The following SYNRG variants were observed in gnomAD, a reference collection of about 807,000 sequenced individuals.
SYNRG encodes synergin gamma.
Under a neutral mutation model 130.9 loss-of-function variants are expected in SYNRG, and 37 were observed. That is an observed-to-expected ratio of 0.28 (90% CI 0.22 to 0.37). The LOEUF (loss-of-function observed/expected upper bound fraction) is 0.37, where lower values mean the gene tolerates loss of function less well. SYNRG is among the 10% of genes least tolerant of loss of function. The probability of loss-of-function intolerance (pLI) is 1.00; values close to 1 mark genes in which losing one functional copy is unlikely to be tolerated. For missense variants in SYNRG, 1,338 were observed against 1,588.9 expected, an observed-to-expected ratio of 0.84 and a Z score of 2.68; for synonymous variants, 539 against 568.1, an observed-to-expected ratio of 0.95 and a Z score of 0.73.
chr17:37,609,107 G>A (rs920661197), intron 1 of SYNRG, among the ~76,000 whole-genome samples, 172 bp downstream of exon 1: 1 of 151,708 alleles, frequency 6.6e-6, no homozygotes, highest in African/African-American at 2.4e-5. Context: ...CCAGCGTCCA[G>A]CACCTGGGCT....
At chr17:37,571,012 G>A (rs879085933) in intron 9 of SYNRG, 127 bp from the exon 10 acceptor site, 21 of 1,268,282 alleles carry the variant, frequency 1.7e-5, no homozygotes, top group Non-Finnish European at 2.3e-5. Flanking sequence ...CAAAACTCAT[G>A]AATTTGATTT....
At chr17:37,541,862 G>A (rs1300848080) in intron 15 of SYNRG, 110 bp downstream of exon 15, 1 of 1,056,986 alleles carries the variant, frequency 9.5e-7, no homozygotes, top group East Asian at 2.4e-5. Flanking sequence ...TCAAAGATTA[G>A]AACAATCTAT....
chr17:37,532,612 GC>G (rs1173225224), intron 19 of SYNRG, among the ~76,000 whole-genome samples: 1 of 143,100 alleles, frequency 7.0e-6, no homozygotes, highest in African/African-American at 2.6e-5. Flanking sequence ...GGCGGAGGTT[GC>G]AGTGAGCCGA....
intron 1 of SYNRG, among the ~76,000 whole-genome samples, chr17:37,607,986 C>CAAAAGA (rs1476233198): frequency 8.8e-6 from 1 of 113,060 alleles, no homozygotes; most frequent in East Asian, 2.5e-4. Flanking sequence ...AAAAACAAGA[C>CAAAAGA]AAAAGAAAAA....
chr17:37,571,132 G>C (rs1243193846), intron 9 of SYNRG, among the ~76,000 whole-genome samples: 1 of 152,098 alleles, frequency 6.6e-6, no homozygotes, highest in Non-Finnish European at 1.5e-5. Flanking sequence ...AATTCTATAT[G>C]ATCAAATCAT....
rs866596909 is a variant in SYNRG, at chr17:37,541,170, A to G, written c.3203-627T>C. On this transcript the variant is annotated intron_variant, in intron 15 of 21. Transcript: ENST00000612223. Reference sequence around the variant, plus strand: ...ACCTTTCTAAATATCAGTATGTAAGAGTTGTGTGGCTTTTCCAGTCATTTG... The same window carrying G: ...ACCTTTCTAAATATCAGTATGTAAGGGTTGTGTGGCTTTTCCAGTCATTTG... 4 of 985,344 alleles carry G rather than the reference A, an allele frequency of 4.1e-6. No homozygotes were observed. In the African/African-American group the frequency reaches 5.2e-5, roughly 13 times the overall value. The allele number at this position is 985,344 out of a possible 1,614,324, so 61.0% of individuals were successfully genotyped here.
intron 19 of SYNRG, among the ~76,000 whole-genome samples, chr17:37,522,414 A>G (rs570019812): frequency 2.6e-5 from 4 of 151,940 alleles, no homozygotes; most frequent in Admixed American, 6.5e-5. Flanking sequence ...GTCCTCCCAA[A>G]GTGGTGGGTT....
Position 37,609,383 on chromosome 17 carries a change from C to A in SYNRG, c.-28G>T. ...TGCTCCCGACCTGCCGCTGCCTTCG[C>A]CGCCGCCACCTTATCAGCAGCTGTC... On this transcript the variant is annotated 5_prime_UTR_variant, in exon 1 of 22. Coordinates refer to ENST00000612223, the MANE Select transcript of SYNRG (RefSeq NM_007247.6). The A allele has an allele frequency of 7.1e-7, 1 of 1,403,120 alleles. No homozygotes were observed. The allele number at this position is 1,403,120 out of a possible 1,614,324, so 86.9% of individuals were successfully genotyped here. A position where few individuals can be genotyped will look rare whatever the true frequency, so the allele number is the denominator to read the frequency against.
At chr17:37,598,911 G>T (rs2146970001) in intron 2 of SYNRG, among the ~76,000 whole-genome samples, 1 of 152,304 alleles carries the variant, frequency 6.6e-6, no homozygotes, top group South Asian at 2.1e-4. Context: ...CAAACCATTT[G>T]ATCTCAATCT....
intron 11 of SYNRG, among the ~76,000 whole-genome samples, chr17:37,562,815 T>G (rs927495422): frequency 6.6e-6 from 1 of 152,104 alleles, no homozygotes; most frequent in African/African-American, 2.4e-5. Context: ...GAATGTTACA[T>G]GGGAATAAAG....
chr17:37,604,150 G>T (rs1049404708), intron 1 of SYNRG, among the ~76,000 whole-genome samples: 1 of 151,148 alleles, frequency 6.6e-6, no homozygotes, highest in African/African-American at 2.4e-5. Context: ...TGAGGCAGAA[G>T]AACCACTTGA....
At chr17:37,533,131 G>A (rs1003460201) in intron 19 of SYNRG, among the ~76,000 whole-genome samples, 4 of 152,260 alleles carry the variant, frequency 2.6e-5, no homozygotes, top group African/African-American at 9.6e-5. Context: ...CAGGCACAGT[G>A]GTTCATGCCT....
intron 11 of SYNRG, among the ~76,000 whole-genome samples, chr17:37,563,841 C>T (rs960194728): frequency 1.3e-5 from 2 of 151,452 alleles, no homozygotes; most frequent in African/African-American, 4.8e-5. Context: ...CAGCCTTCCC[C>T]GCCAGCTTTT....
intron 7 of SYNRG, among the ~76,000 whole-genome samples, chr17:37,576,734 A>T (rs2060868250): frequency 6.6e-6 from 1 of 152,250 alleles, no homozygotes; most frequent in Non-Finnish European, 1.5e-5. Context: ...GATAGATGAT[A>T]GTTTAAAATT....
intron 16 of SYNRG, among the ~76,000 whole-genome samples, 195 bp downstream of exon 16, chr17:37,540,185 G>A (rs1426557846): frequency 1.3e-5 from 2 of 152,152 alleles, no homozygotes; most frequent in African/African-American, 4.8e-5. Flanking sequence ...AGTTTCAGTG[G>A]GTGCCACACC....
Position 37,518,816 on chromosome 17 carries a change from T to C in SYNRG, c.*124A>G, listed in dbSNP as rs9892555. The C allele has an allele frequency of 1.8e-3, 2,603 of 1,417,426 alleles. 43 individuals carry two copies. In the African/African-American group the frequency reaches 0.034, roughly 18 times the overall value. The allele number at this position is 1,417,426 out of a possible 1,614,324, so 87.8% of individuals were successfully genotyped here. Reference sequence around the variant, plus strand: ...TGGGGATGACGGGGGCCCCGTCCCTTGCGGTGTTCTTCATATCGATTCAGG... The same window carrying C: ...TGGGGATGACGGGGGCCCCGTCCCTCGCGGTGTTCTTCATATCGATTCAGG... On this transcript the variant is annotated 3_prime_UTR_variant, in exon 22 of 22. Coordinates refer to ENST00000612223, the MANE Select transcript of SYNRG (RefSeq NM_007247.6).
At chr17:37,591,081 T>C (rs938256481) in intron 3 of SYNRG, among the ~76,000 whole-genome samples, 2 of 152,076 alleles carry the variant, frequency 1.3e-5, no homozygotes, top group Non-Finnish European at 2.9e-5. Flanking sequence ...AAAAATCCCA[T>C]GGAATCCACA....
intron 3 of SYNRG, among the ~76,000 whole-genome samples, chr17:37,591,105 A>G (rs2062147220): frequency 6.6e-6 from 1 of 152,226 alleles, no homozygotes; most frequent in South Asian, 2.1e-4. Context: ...AAATTCCCAG[A>G]GCTAATAAAA....
chr17:37,547,880 C>T (rs190750657), intron 14 of SYNRG, among the ~76,000 whole-genome samples: 1 of 152,172 alleles, frequency 6.6e-6, no homozygotes, highest in Non-Finnish European at 1.5e-5. Context: ...GAAGCACTAA[C>T]CATATGTTAC....
Sources: allele counts gnomAD v4.1 joint callset (sites outside exome capture counted in the v4.1 genomes callset), GRCh38; gene constraint gnomAD v4.1.1; transcripts MANE v1.5; gene names NCBI Gene and HGNC (gene_info 2026-07-23, HGNC 2026-07-21).